B4GALT5: variants seen among roughly 807,000 people sequenced by gnomAD.
B4GALT5 encodes UDP-Gal:beta-GlcNAc beta-1,4-galactosyltransferase 5.
B4GALT5 carries 11 observed loss-of-function variants against 45.0 expected under a neutral mutation model. The ratio of observed to expected loss-of-function variants is 0.24; its 90% CI spans 0.15 to 0.40. B4GALT5 has a LOEUF of 0.40. B4GALT5 is among the 10% of genes least tolerant of loss of function. The pLI, the probability that B4GALT5 is intolerant of heterozygous loss-of-function variation, is 1.00. For synonymous variants in B4GALT5, 185 were observed against 182.9 expected (o/e 1.01, Z -0.09); for missense variants, 337 against 500.2 (o/e 0.67, Z 3.11).
At chr20:49,663,165 T>C (rs1168318527) in intron 1 of B4GALT5, among the ~76,000 whole-genome samples, 1 of 152,176 alleles carries the variant, frequency 6.6e-6, no homozygotes, top group East Asian at 1.9e-4. Context: ...GCACAGCTAA[T>C]CTACAACATA....
At chr20:49,641,088 T>G (rs1213173038) in intron 5 of B4GALT5, among the ~76,000 whole-genome samples, 1 of 151,458 alleles carries the variant, frequency 6.6e-6, no homozygotes, top group Non-Finnish European at 1.5e-5. Context: ...GTACTCCAGT[T>G]TGGGCGACAG....
intron 1 of B4GALT5, among the ~76,000 whole-genome samples, chr20:49,659,589 T>C (rs958928234): frequency 6.6e-6 from 1 of 152,172 alleles, no homozygotes; most frequent in Admixed American, 6.5e-5. Context: ...AAATAAAAAC[T>C]GAGGGAGTAA....
In B4GALT5 at chr20:49,693,807, G is replaced by A. The variant is rs1188497849; in HGVS notation, c.115+19769C>T. On this transcript the variant is annotated intron_variant, in intron 1 of 8. Coordinates refer to ENST00000371711, the MANE Select transcript of B4GALT5 (RefSeq NM_004776.4). ...GTTAAGGTGCCAGGTGGACTCCAGG[G>A]CAGGTATGCAGCTTTGCATAAAGAA... is the stretch of plus-strand genomic sequence containing the variant. Among the ~76,000 whole-genome samples the A allele has an allele frequency of 2.0e-5, 3 of 152,296 alleles. No homozygotes were observed. In the East Asian group the frequency reaches 5.8e-4, roughly 29 times the overall value.
chr20:49,666,903 A>T (rs2085693070), intron 1 of B4GALT5, among the ~76,000 whole-genome samples: 2 of 152,228 alleles, frequency 1.3e-5, no homozygotes, highest in African/African-American at 4.8e-5. Context: ...TATTCTGCTT[A>T]TAAAGAGATG....
chr20:49,702,077 A>G (rs2085864350), intron 1 of B4GALT5, among the ~76,000 whole-genome samples: 1 of 152,164 alleles, frequency 6.6e-6, no homozygotes, highest in Non-Finnish European at 1.5e-5. Flanking sequence ...AACAACAACA[A>G]AAAAAGGAAA....
chr20:49,713,512 G>A (rs2085929447), intron 1 of B4GALT5, 64 bp downstream of exon 1: 1 of 1,499,216 alleles, frequency 6.7e-7, no homozygotes, highest in Non-Finnish European at 9.0e-7. Flanking sequence ...AGGGAGGGGC[G>A]GGGATTCCCC....
chr20:49,683,487 G>A (rs2085772761), intron 1 of B4GALT5, among the ~76,000 whole-genome samples: 1 of 148,070 alleles, frequency 6.8e-6, no homozygotes, highest in Non-Finnish European at 1.5e-5. Context: ...TCCGCCTCCT[G>A]GGTTCAAGCG....
At chr20:49,675,845 C>G (rs966805238) in intron 1 of B4GALT5, among the ~76,000 whole-genome samples, 5 of 152,136 alleles carry the variant, frequency 3.3e-5, no homozygotes, top group African/African-American at 7.2e-5. Flanking sequence ...TCAAAAGGAG[C>G]AGAATTTTCA....
At chr20:49,651,487 G>C (rs767903507) in intron 2 of B4GALT5, among the ~76,000 whole-genome samples, 7 of 152,060 alleles carry the variant, frequency 4.6e-5, no homozygotes, top group Non-Finnish European at 1.0e-4. Context: ...TACTCAGGAG[G>C]CTGAGGTAGG....
intron 1 of B4GALT5, among the ~76,000 whole-genome samples, chr20:49,698,909 C>G (rs984109504): frequency 6.6e-6 from 1 of 152,172 alleles, no homozygotes; most frequent in Non-Finnish European, 1.5e-5. Context: ...ACCAACCACA[C>G]GGTTTTCCAA....
At chr20:49,640,766 A>T (rs1371753340) in intron 5 of B4GALT5, 101 bp from the exon 6 acceptor site, 64 of 1,222,072 alleles carry the variant, frequency 5.2e-5, no homozygotes, top group Non-Finnish European at 7.1e-5. Context: ...ACTGGAAAAG[A>T]TCACTGGGCT....
Position 49,635,208 on chromosome 20 carries a change from G to A in B4GALT5, c.*1104C>T, listed in dbSNP as rs2085546206. ...CACAAGAGAAAAAGTAAGAGGGGGA[G>A]GGATTCCCATACACACCCCCGCCCC... On this transcript the variant is annotated 3_prime_UTR_variant, in exon 9 of 9. Transcript: ENST00000371711. The A allele has an allele frequency of 6.6e-6, 1 of 152,338 alleles. No individual in the cohort carries two copies. Among genetic ancestry groups the A allele is most frequent in the Non-Finnish European group, 1.5e-5 (1 of 68,190 alleles). The allele number at this position is 152,338 out of a possible 1,614,324, so 9.4% of individuals were successfully genotyped here.
chr20:49,675,471 T>G (rs546925340), intron 1 of B4GALT5, among the ~76,000 whole-genome samples: 1 of 152,332 alleles, frequency 6.6e-6, no homozygotes, highest in African/African-American at 2.4e-5. Context: ...CCTAGTTCAC[T>G]CAGAGGCCAA....
chr20:49,681,924 C>T (rs73265301), intron 1 of B4GALT5, among the ~76,000 whole-genome samples: 5 of 152,236 alleles, frequency 3.3e-5, no homozygotes, highest in Admixed American at 1.3e-4. Flanking sequence ...GGCAAGACCC[C>T]GTCTCTACAA....
intron 3 of B4GALT5, among the ~76,000 whole-genome samples, chr20:49,646,135 G>A (rs6067164): frequency 6.6e-6 from 1 of 152,224 alleles, no homozygotes; most frequent in South Asian, 2.1e-4. Context: ...GGAGTTCAAG[G>A]CTGCAGTTTT....
Position 49,633,817 on chromosome 20 carries a change from C to T in B4GALT5, c.*2495G>A, listed in dbSNP as rs1984438853. On this transcript the variant is annotated 3_prime_UTR_variant, in exon 9 of 9. Transcript: ENST00000371711. ...CAGAATCAGTCTGTCCTGGCAAATC[C>T]TTCCAAATGACATCATAGTGTTGTC... 1 of 152,580 alleles carries T rather than the reference C, an allele frequency of 6.6e-6. No individual in the cohort carries two copies. Among genetic ancestry groups the T allele is most frequent in the East Asian group, 1.9e-4 (1 of 5,188 alleles). 9.5% of individuals were successfully genotyped at this position (152,580 alleles called of 1,614,324 possible).
chr20:49,686,771 C>T (rs1444400627), intron 1 of B4GALT5, among the ~76,000 whole-genome samples: 1 of 146,334 alleles, frequency 6.8e-6, no homozygotes, highest in Non-Finnish European at 1.5e-5. Context: ...TGGTGGTGCA[C>T]ACCTACAGCC....
At chr20:49,708,570 T>G (rs2085894603) in intron 1 of B4GALT5, among the ~76,000 whole-genome samples, 1 of 152,110 alleles carries the variant, frequency 6.6e-6, no homozygotes, top group Non-Finnish European at 1.5e-5. Flanking sequence ...AGGCCAAAAA[T>G]GTCAAAATCA....
intron 1 of B4GALT5, among the ~76,000 whole-genome samples, chr20:49,710,256 T>C (rs1233853127): frequency 6.6e-6 from 1 of 152,162 alleles, no homozygotes; most frequent in African/African-American, 2.4e-5. Flanking sequence ...ATAAGTCCAA[T>C]AATTCCACTG....
Sources: allele counts gnomAD v4.1 joint callset (sites outside exome capture counted in the v4.1 genomes callset), GRCh38; gene constraint gnomAD v4.1.1; transcripts MANE v1.5; gene names NCBI Gene and HGNC (gene_info 2026-07-23, HGNC 2026-07-21).